Variants in XKR6 observed in about 807,000 individuals in gnomAD.
The protein encoded by XKR6 is XK-related protein 6.
XKR6 carries 22 observed loss-of-function variants against 56.7 expected under a neutral mutation model. That is an observed-to-expected ratio of 0.39 (90% CI 0.28 to 0.55). The LOEUF is 0.55. XKR6 is among the 20% of genes least tolerant of loss of function. XKR6 has a pLI of 0.66. For synonymous variants in XKR6, 524 were observed against 387.8 expected (o/e 1.35, Z -4.13); for missense variants, 852 against 889.0 (o/e 0.96, Z 0.53).
intron 1 of XKR6, among the ~76,000 whole-genome samples, chr8:11,155,531 A>G (rs1320178621): frequency 1.3e-5 from 2 of 152,256 alleles, no homozygotes; most frequent in African/African-American, 4.8e-5. Context: ...ATGGGATTCA[A>G]GAACTATATG....
chr8:10,994,083 C>G (rs1197658544), intron 1 of XKR6, among the ~76,000 whole-genome samples: 1 of 152,180 alleles, frequency 6.6e-6, no homozygotes, highest in Non-Finnish European at 1.5e-5. Flanking sequence ...AGTCTTGCCA[C>G]CCCCTGAACA....
chr8:10,911,451 TATATAG>T (rs1426962113), intron 2 of XKR6, among the ~76,000 whole-genome samples: 1 of 148,436 alleles, frequency 6.7e-6, no homozygotes, highest in African/African-American at 2.5e-5. Flanking sequence ...TAAGTATACA[TATATAG>T]AGAGAGAATA....
At chr8:10,978,880 C>T (rs1797658088) in intron 1 of XKR6, among the ~76,000 whole-genome samples, 1 of 152,218 alleles carries the variant, frequency 6.6e-6, no homozygotes, top group Non-Finnish European at 1.5e-5. Flanking sequence ...CATTGCTTAG[C>T]TGGACGTTCC....
intron 1 of XKR6, among the ~76,000 whole-genome samples, chr8:11,049,345 G>C (rs1406644223): frequency 2.0e-5 from 3 of 152,188 alleles, no homozygotes; most frequent in African/African-American, 7.2e-5. Flanking sequence ...CCCGGCAGGA[G>C]GGTTCAGAGC....
chr8:11,113,447 A>G (rs754099626), intron 1 of XKR6, among the ~76,000 whole-genome samples: 7 of 152,244 alleles, frequency 4.6e-5, no homozygotes, highest in Non-Finnish European at 1.0e-4. Flanking sequence ...ACCAAAAAAT[A>G]TATTTGAACA....
intron 1 of XKR6, among the ~76,000 whole-genome samples, chr8:11,183,478 G>GTTT (rs77467126): frequency 7.1e-6 from 1 of 141,352 alleles, no homozygotes; most frequent in Non-Finnish European, 1.6e-5. Flanking sequence ...CACCTGTCTA[G>GTTT]TTTTTTTTTT....
chr8:10,937,823 T>G (rs1209793666), intron 1 of XKR6, among the ~76,000 whole-genome samples: 1 of 151,872 alleles, frequency 6.6e-6, no homozygotes, highest in African/African-American at 2.4e-5. Context: ...ACAGGGACAT[T>G]TAAGTCTGCA....
At chr8:10,943,539 T>G (rs1801447739) in intron 1 of XKR6, among the ~76,000 whole-genome samples, 1 of 152,076 alleles carries the variant, frequency 6.6e-6, no homozygotes, top group Non-Finnish European at 1.5e-5. Flanking sequence ...TCCATCCCTG[T>G]GTAGGGCCAA....
intron 1 of XKR6, among the ~76,000 whole-genome samples, chr8:10,966,038 G>A (rs769498720): frequency 3.3e-5 from 5 of 152,152 alleles, no homozygotes; most frequent in African/African-American, 1.2e-4. Flanking sequence ...CTAGAGCAGC[G>A]GTTCTCAAAC....
rs189354265 is a variant in XKR6 at position 11,140,315 on chromosome 8, A to G, written c.764+60261T>C. Among the ~76,000 whole-genome samples the G allele has an allele frequency of 3.1e-4, 47 of 152,350 alleles. 1 individual carries two copies. The Middle Eastern group carries it at 0.02, about 66-fold the overall frequency. On this transcript the variant is annotated intron_variant, in intron 1 of 2. Coordinates refer to ENST00000416569, the MANE Select transcript of XKR6 (RefSeq NM_173683.4). ...TCCGAATGAAAAACGATCTGAAGCT[A>G]TACACTGAGAGAACATACCACCTAT... is the stretch of plus-strand genomic sequence containing the variant.
rs540686681 is a variant in XKR6 at position 10,977,255 on chromosome 8, G to T, written c.765-52425C>A. 5.8e-4 allele frequency among the ~76,000 whole-genome samples: 89 copies of T among 152,236 alleles called. 1 individual carries two copies. The highest frequency in any genetic ancestry group is 2.1e-3 in the African/African-American group (87 of 41,532). On this transcript the variant is annotated intron_variant, in intron 1 of 2. Coordinates refer to ENST00000416569, the MANE Select transcript of XKR6 (RefSeq NM_173683.4). ...GGAGGGGTGGCCTGCCTGAAACCATGGAGATTTTCAATAGCAAAGAAAGCC... is the reference window on the plus strand; with the variant it reads ...GGAGGGGTGGCCTGCCTGAAACCATTGAGATTTTCAATAGCAAAGAAAGCC...
chr8:11,169,874 A>C (rs911138495), intron 1 of XKR6, among the ~76,000 whole-genome samples: 1 of 152,236 alleles, frequency 6.6e-6, no homozygotes, highest in African/African-American at 2.4e-5. Context: ...TTAAATGATT[A>C]AAATGGTATA....
rs56266523 is a variant in XKR6, at chr8:10,974,815, T to C, written c.765-49985A>G. Among the ~76,000 whole-genome samples the C allele has an allele frequency of 9.6e-4, 146 of 152,292 alleles. 1 individual carries two copies. The highest frequency in any genetic ancestry group is 3.4e-3 in the Middle Eastern group (1 of 294). ...CTCGAGGTGGGAACTCCTGGGCTCC[T>C]GGGGGATGGCAGTTGGTGTTCAGCA... On this transcript the variant is annotated intron_variant, in intron 1 of 2. Coordinates refer to ENST00000416569, the MANE Select transcript of XKR6 (RefSeq NM_173683.4).
intron 1 of XKR6, among the ~76,000 whole-genome samples, chr8:10,928,234 T>A (rs1358015880): frequency 6.6e-6 from 1 of 152,170 alleles, no homozygotes; most frequent in African/African-American, 2.4e-5. Context: ...CCTGACCCCA[T>A]GACCTTGCTT....
chr8:10,939,168 A>T (rs1384875016), intron 1 of XKR6, among the ~76,000 whole-genome samples: 1 of 152,184 alleles, frequency 6.6e-6, no homozygotes, highest in Non-Finnish European at 1.5e-5. Context: ...ACAAGCAAGT[A>T]TGAGGGCTTC....
chr8:11,045,799 G>A (rs1799397714), intron 1 of XKR6, among the ~76,000 whole-genome samples: 1 of 152,130 alleles, frequency 6.6e-6, no homozygotes, highest in Non-Finnish European at 1.5e-5. Context: ...TGACTTGGGG[G>A]TTACCACAAG....
At chr8:11,136,604 A>G (rs1800415909) in intron 1 of XKR6, among the ~76,000 whole-genome samples, 1 of 151,988 alleles carries the variant, frequency 6.6e-6, no homozygotes, top group Non-Finnish European at 1.5e-5. Flanking sequence ...GGTCATAAGG[A>G]TGGAGCCCTC....
intron 1 of XKR6, among the ~76,000 whole-genome samples, chr8:10,998,339 A>G (rs928879661): frequency 6.6e-6 from 1 of 152,152 alleles, no homozygotes; most frequent in African/African-American, 2.4e-5. Context: ...TTTTAACACC[A>G]GCTGTCACAT....
At chr8:11,062,330 A>G (rs1413589547) in intron 1 of XKR6, among the ~76,000 whole-genome samples, 1 of 152,162 alleles carries the variant, frequency 6.6e-6, no homozygotes, top group African/African-American at 2.4e-5. Context: ...CAACTGTGAC[A>G]TATGATCTGT....
Sources: gnomAD v4.1 joint callset for allele counts (sites outside exome capture counted in the v4.1 genomes callset) on GRCh38, gnomAD v4.1.1 for gene constraint, MANE v1.5 for transcripts, NCBI Gene and HGNC (gene_info 2026-07-23, HGNC 2026-07-21) for gene names.